Variants in ESR2 observed in about 807,000 individuals in gnomAD.
The protein encoded by ESR2 is estrogen receptor 2, also known as estrogen receptor beta.
Under a neutral mutation model 49.6 loss-of-function variants are expected in ESR2, and 36 were observed. That is an observed-to-expected ratio of 0.73 (90% CI 0.56 to 0.96). The LOEUF is 0.96. Among genes scored for constraint, ESR2 ranks in the 40% least tolerant of loss-of-function variants. ESR2 has a pLI of 0.00. For synonymous variants in ESR2, 320 were observed against 266.1 expected (o/e 1.20, Z -1.97); for missense variants, 714 against 693.0 (o/e 1.03, Z -0.34).
At position 64,257,354 on chromosome 14, in the gene ESR2, C is replaced by A. The variant is rs1383690651; in HGVS notation, c.963G>T (p.Glu321Asp). ...SWAKKIPGFV[E>D]LSLFDQVRLL... The stretch of plus-strand genomic sequence containing the variant: ...GCCGCACTTGGTCGAACAGGCTGAG[C>A]TCCACAAAGCCTGGGGAAAGCAAGA... The change falls in exon 6 of 9, where the codon GAG becomes GAT. Residue 321 changes from glutamate to aspartate, a missense_variant. Glu to Asp is a conservative substitution (Grantham distance 45). Coordinates refer to ENST00000341099, the MANE Select transcript of ESR2 (RefSeq NM_001437.3). The A allele has an allele frequency of 1.2e-5, 20 of 1,612,782 alleles. No homozygotes were observed. Among genetic ancestry groups the A allele is most frequent in the Non-Finnish European group, 1.6e-5 (19 of 1,180,014 alleles).
chr14:64,289,019 T>C lies in ESR2; in HGVS notation c.-91+5014A>G, dbSNP rs554834049. 3.6e-3 allele frequency among the ~76,000 whole-genome samples: 516 copies of C among 143,194 alleles called. 2 individuals carry two copies. The highest frequency in any genetic ancestry group is 0.012 in the African/African-American group (477 of 39,302). The allele number at this position is 143,194 out of a possible 152,430, so 93.9% of individuals were successfully genotyped here. ...AAAAAAAAAAAAAGGTCAGCCACCA[T>C]CAAGCCTGTTCTTATGTATATTCTA... is the stretch of plus-strand genomic sequence containing the variant. On this transcript the variant is annotated intron_variant, in intron 1 of 8. Coordinates refer to ENST00000341099, the MANE Select transcript of ESR2 (RefSeq NM_001437.3).
intron 7 of ESR2, among the ~76,000 whole-genome samples, chr14:64,238,375 CA>C (rs1278923990): frequency 6.6e-6 from 1 of 152,112 alleles, no homozygotes. Flanking sequence ...AGTGTATATA[CA>C]AAAAGACTGA....
At chr14:64,239,720 A>G (rs1596372083) in intron 7 of ESR2, among the ~76,000 whole-genome samples, 2 of 152,238 alleles carry the variant, frequency 1.3e-5, no homozygotes, top group South Asian at 2.1e-4. Flanking sequence ...AGGTTGTTAA[A>G]TGCAACATTT....
chr14:64,245,756 A>G (rs2075841642), intron 7 of ESR2, among the ~76,000 whole-genome samples: 2 of 152,210 alleles, frequency 1.3e-5, no homozygotes, highest in Admixed American at 1.3e-4. Context: ...TAAAATGCCT[A>G]TAAGGAGCCT....
chr14:64,273,971 A>G (rs2076503106), intron 3 of ESR2, among the ~76,000 whole-genome samples: 1 of 142,698 alleles, frequency 7.0e-6, no homozygotes, highest in Non-Finnish European at 1.5e-5. Flanking sequence ...ACCTGATCAC[A>G]CTCCATCACC....
rs760331553 is a variant in ESR2 at position 64,260,609 on chromosome 14, G to A, written c.792C>T (p.Ser264=). 3 of 1,610,706 alleles carry A rather than the reference G, an allele frequency of 1.9e-6. No homozygotes were observed. Among genetic ancestry groups the A allele is most frequent in the Non-Finnish European group, 2.5e-6 (3 of 1,178,282 alleles). Reference sequence around the variant, plus strand: ...GGAGGGTGAGCACTAGCTGCTCGGGGCTCAGGGCGTCCAGCAGCAGCTCCC... The same window carrying A: ...GGAGGGTGAGCACTAGCTGCTCGGGACTCAGGGCGTCCAGCAGCAGCTCCC... ...RVRELLLDAL[S]PEQLVLTLLE... The change falls in exon 5 of 9, where the codon AGC becomes AGT. Residue 264 remains serine (S), a synonymous_variant. Transcript: ENST00000341099.
rs1472743418 is a variant in ESR2 at position 64,280,050 on chromosome 14, C to A, written c.466G>T (p.Ala156Ser). 1 of 1,613,994 alleles carries A rather than the reference C, an allele frequency of 6.2e-7. No individual in the cohort carries two copies. Among genetic ancestry groups the A allele is most frequent in the Admixed American group, 1.7e-5 (1 of 60,030 alleles). Reference sequence around the variant, plus strand: ...CAGACTCCATAGTGATATCCCGATGCGTAATCGCTGCAGACAGCGCAGAAG... The same window carrying A: ...CAGACTCCATAGTGATATCCCGATGAGTAATCGCTGCAGACAGCGCAGAAG... ...AHFCAVCSDYASGYHYGVWSC... is the reference protein window; with the variant it reads ...AHFCAVCSDYSSGYHYGVWSC... The change falls in exon 3 of 9, where the codon GCA becomes TCA. Residue 156 changes from alanine (A) to serine (S), a missense_variant. Physicochemically the swap from Ala to Ser is moderately conservative, Grantham distance 99. Coordinates refer to ENST00000341099, the MANE Select transcript of ESR2 (RefSeq NM_001437.3).
Position 64,285,715 on chromosome 14 carries a change from C to A in ESR2, c.-90-2640G>T, listed in dbSNP as rs143645907. On this transcript the variant is annotated intron_variant, in intron 1 of 8. Transcript: ENST00000341099. ...TGGTGGTGCATGCCTGTAGTCCCAG[C>A]TACTCGAGAGGCTAAGACATGAGAA... 5.5e-4 allele frequency among the ~76,000 whole-genome samples: 84 copies of A among 151,586 alleles called. 1 individual carries two copies. In the East Asian group the frequency reaches 0.015, roughly 28 times the overall value.
In ESR2 at chr14:64,274,456, T is replaced by TC. The variant is rs560596074; in HGVS notation, c.535+5524dup. 1.4e-4 allele frequency among the ~76,000 whole-genome samples: 21 copies of TC among 152,280 alleles called. No individual in the cohort carries two copies. The East Asian group carries it at 3.9e-3, about 28-fold the overall frequency. ...TTTCTGCGGTATCAGTTGTAACATC[T>TC]CCTTTTTCATCTGATTTTATTCGAC... On this transcript the variant is annotated intron_variant, in intron 3 of 8. Coordinates refer to ENST00000341099, the MANE Select transcript of ESR2 (RefSeq NM_001437.3).
intron 7 of ESR2, among the ~76,000 whole-genome samples, chr14:64,235,408 T>A (rs1414071182): frequency 6.6e-6 from 1 of 152,234 alleles, no homozygotes; most frequent in Non-Finnish European, 1.5e-5. Context: ...AGGCCCATAA[T>A]TGTGGCCTTG....
At chr14:64,249,287 C>CT (rs771008063) in intron 7 of ESR2, among the ~76,000 whole-genome samples, 7 of 151,332 alleles carry the variant, frequency 4.6e-5, no homozygotes, top group Middle Eastern at 3.4e-3. Flanking sequence ...TTTAAAGTTC[C>CT]TTTTTTTTTC....
downstream of ESR2, chr14:64,227,591 A>G: frequency 6.2e-7 from 1 of 1,614,160 alleles, no homozygotes; most frequent in Non-Finnish European, 8.5e-7. Flanking sequence ...AAATGAGGTG[A>G]GTGTTTGAGA....
intron 1 of ESR2, among the ~76,000 whole-genome samples, chr14:64,320,344 T>C (rs190180411): frequency 6.2e-4 from 94 of 152,064 alleles, no homozygotes; most frequent in African/African-American, 2.1e-3. Context: ...GGCAGGAGAA[T>C]TGCTTTAGCC....
intron 4 of ESR2, among the ~76,000 whole-genome samples, chr14:64,262,637 G>C (rs1290151652): frequency 1.4e-5 from 2 of 145,468 alleles, no homozygotes; most frequent in Admixed American, 6.8e-5. Context: ...TGTAATCCCA[G>C]AACTTTAGGA....
In ESR2 at chr14:64,234,983, C is replaced by T. The variant is rs777286766; in HGVS notation, c.1393G>A (p.Val465Ile). The change falls in exon 8 of 9, where the codon GTC becomes ATC. Residue 465 changes from valine to isoleucine, a missense_variant. Transcript: ENST00000341099. ...TAGGGCGCGTACCTCGCATGCCTGA[C>T]GTGGGACAGGAGCATCAGGAGGTTA... ...LANLLMLLSH[V>I]RHASNKGMEH... 26 of 1,614,028 alleles carry T rather than the reference C, an allele frequency of 1.6e-5. No individual in the cohort carries two copies. Among genetic ancestry groups the T allele is most frequent in the African/African-American group, 2.7e-5 (2 of 74,942 alleles).
chr14:64,242,445 A>AAAC (rs1491416101), intron 7 of ESR2, among the ~76,000 whole-genome samples: 23,972 of 80,492 alleles, frequency 0.3, 3,173 homozygotes, highest in African/African-American at 0.55. Flanking sequence ...ACAAACAAAC[A>AAAC]AAAAAAATAT....
In ESR2 at chr14:64,249,401, C is replaced by T. The variant is rs2075940119; in HGVS notation, c.1225+145G>A. 2.9e-5 allele frequency: 25 copies of T among 873,976 alleles called. No homozygotes were observed. The South Asian group carries it at 4.7e-4, about 17-fold the overall frequency. 54.1% of individuals were successfully genotyped at this position (873,976 alleles called of 1,614,324 possible). A position where few individuals can be genotyped will look rare whatever the true frequency, so the allele number is the denominator to read the frequency against. On this transcript the variant is annotated intron_variant, in intron 7 of 8. Transcript: ENST00000341099. ...CAAAAGTTACCTACAGTTTAAATCG[C>T]TATCAAAATAAAAACGAAGTCCAAA...
intron 7 of ESR2, among the ~76,000 whole-genome samples, chr14:64,241,090 G>C (rs943534683): frequency 6.9e-6 from 1 of 145,634 alleles, no homozygotes; most frequent in Non-Finnish European, 1.5e-5. Context: ...AGCTTGCAGT[G>C]AGCCGAGATT....
At chr14:64,260,863 C>T (rs895085378) in intron 4 of ESR2, 115 bp from the exon 5 acceptor site, 1 of 953,636 alleles carries the variant, frequency 1.0e-6, no homozygotes, top group Non-Finnish European at 1.4e-6. Flanking sequence ...TTACTATGGT[C>T]GTGACCGTAC....
Sources: gnomAD v4.1 joint callset for allele counts (sites outside exome capture counted in the v4.1 genomes callset) on GRCh38, gnomAD v4.1.1 for gene constraint, MANE v1.5 for transcripts, NCBI Gene and HGNC (gene_info 2026-07-23, HGNC 2026-07-21) for gene names.